The following MAF variants were observed in gnomAD, a reference collection of about 807,000 sequenced individuals.
The protein encoded by MAF is MAF bZIP transcription factor, also known as transcription factor Maf.
In MAF, 10 loss-of-function variants were observed where a neutral mutation model predicts 22.0. The observed-to-expected ratio is 0.45, with a 90% confidence interval of 0.28 to 0.77. MAF has a LOEUF of 0.77. Ranked by LOEUF, MAF falls within the 30% of genes least tolerant of loss-of-function variation. The probability of loss-of-function intolerance (pLI) is 0.12; values close to 1 mark genes in which losing one functional copy is unlikely to be tolerated. For missense variants in MAF, 544 were observed against 548.4 expected (o/e 0.99, Z 0.08); for synonymous variants, 337 against 255.8 (o/e 1.32, Z -3.03).
chr16:79,543,768 G>A, the MAF span, among the ~76,000 whole-genome samples: 1 of 149,778 alleles, frequency 6.7e-6, no homozygotes, highest in Non-Finnish European at 1.5e-5. Flanking sequence ...CTCACTGCAA[G>A]CTCCGCCTCC....
chr16:79,308,658 T>G, the MAF span, among the ~76,000 whole-genome samples: 1 of 152,222 alleles, frequency 6.6e-6, no homozygotes. Context: ...TGCCTGGGAA[T>G]GTATTGATGT....
At chr16:79,574,501 C>G in the MAF span, among the ~76,000 whole-genome samples, 2 of 152,190 alleles carry the variant, frequency 1.3e-5, no homozygotes, top group Admixed American at 1.3e-4. Context: ...ACCTCAAAAT[C>G]GTCTATGCAT....
At chr16:79,499,734 C>G in the MAF span, among the ~76,000 whole-genome samples, 1 of 152,148 alleles carries the variant, frequency 6.6e-6, no homozygotes, top group Non-Finnish European at 1.5e-5. Context: ...TTTCCCAGCT[C>G]CAGAACTGTG....
At chr16:79,447,676 G>T in the MAF span, among the ~76,000 whole-genome samples, 1 of 152,060 alleles carries the variant, frequency 6.6e-6, no homozygotes, top group Non-Finnish European at 1.5e-5. Context: ...AACATTAATA[G>T]GAGTTTGTAA....
the MAF span, among the ~76,000 whole-genome samples, chr16:79,265,012 C>G: frequency 2.0e-5 from 3 of 152,098 alleles, no homozygotes; most frequent in Non-Finnish European, 4.4e-5. Context: ...GAAATCAACT[C>G]TTTAGGAAGC....
the MAF span, among the ~76,000 whole-genome samples, chr16:79,335,148 G>A: frequency 1.0e-4 from 15 of 146,530 alleles, 1 homozygote; most frequent in Middle Eastern, 0.015. Flanking sequence ...TCGCGCCACT[G>A]CACTCCAGCC....
the MAF span, among the ~76,000 whole-genome samples, chr16:79,420,281 T>G: frequency 6.6e-6 from 1 of 152,198 alleles, no homozygotes; most frequent in African/African-American, 2.4e-5. Flanking sequence ...ATATGTGATT[T>G]TGTGGGCACG....
At chr16:79,498,740 A>G in the MAF span, among the ~76,000 whole-genome samples, 2 of 152,234 alleles carry the variant, frequency 1.3e-5, no homozygotes, top group African/African-American at 4.8e-5. Context: ...ATCCTTGTAT[A>G]TAACATAACC....
chr16:79,449,866 G>T, the MAF span, among the ~76,000 whole-genome samples: 30 of 152,136 alleles, frequency 2.0e-4, no homozygotes, highest in Non-Finnish European at 3.7e-4. Flanking sequence ...CCCCTTTCCC[G>T]CTCCTCACCC....
the MAF span, among the ~76,000 whole-genome samples, chr16:79,213,601 C>G: frequency 1.3e-5 from 2 of 152,266 alleles, no homozygotes; most frequent in East Asian, 1.9e-4. Flanking sequence ...CTTTGGAACC[C>G]TGCAACTTCC....
chr16:79,553,097 T>C, the MAF span, among the ~76,000 whole-genome samples: 1 of 152,232 alleles, frequency 6.6e-6, no homozygotes, highest in Non-Finnish European at 1.5e-5. Context: ...ATCCCCAACT[T>C]GGCAGAGTTG....
At chr16:79,208,772 T>C in the MAF span, among the ~76,000 whole-genome samples, 2 of 152,248 alleles carry the variant, frequency 1.3e-5, 1 homozygote, top group African/African-American at 4.8e-5. Context: ...AATGAGAACC[T>C]GTTACTAAAC....
At chr16:79,562,646 T>C in the MAF span, among the ~76,000 whole-genome samples, 1 of 152,150 alleles carries the variant, frequency 6.6e-6, no homozygotes, top group Non-Finnish European at 1.5e-5. Context: ...GACCTCGGAC[T>C]CCAGGCTGAA....
chr16:79,213,705 TGTAA>T, the MAF span, among the ~76,000 whole-genome samples: 4 of 151,624 alleles, frequency 2.6e-5, no homozygotes, highest in African/African-American at 9.8e-5. Flanking sequence ...TAGTTAGACA[TGTAA>T]GTGAGGCCAT....
chr16:79,440,360 G>C, the MAF span, among the ~76,000 whole-genome samples: 2 of 152,208 alleles, frequency 1.3e-5, no homozygotes, highest in African/African-American at 4.8e-5. Context: ...GCGCACAGTA[G>C]GTACACAGGA....
chr16:79,286,453 C>T, the MAF span, among the ~76,000 whole-genome samples: 1 of 152,248 alleles, frequency 6.6e-6, no homozygotes, highest in Non-Finnish European at 1.5e-5. Context: ...TCACTGCCAA[C>T]TACTTAGTGG....
chr16:79,512,257 T>C, the MAF span, among the ~76,000 whole-genome samples: 5 of 152,196 alleles, frequency 3.3e-5, no homozygotes, highest in African/African-American at 1.2e-4. Flanking sequence ...CCAGACTCTT[T>C]ATTTTAAGGC....
the MAF span, among the ~76,000 whole-genome samples, chr16:79,318,548 A>G: frequency 2.0e-5 from 3 of 152,158 alleles, no homozygotes; most frequent in African/African-American, 4.8e-5. Context: ...CCGAAACTAC[A>G]TTGCTGGGTG....
chr16:79,438,298 T>C, the MAF span, among the ~76,000 whole-genome samples: 3 of 152,224 alleles, frequency 2.0e-5, no homozygotes, highest in African/African-American at 4.8e-5. Flanking sequence ...GTGTCAGCCC[T>C]GGGACCAGAG....
Sources: allele counts gnomAD v4.1 joint callset (sites outside exome capture counted in the v4.1 genomes callset), GRCh38; gene constraint gnomAD v4.1.1; transcripts MANE v1.5; gene names NCBI Gene and HGNC (gene_info 2026-07-23, HGNC 2026-07-21).